GREM2: variants seen among roughly 807,000 people sequenced by gnomAD.
GREM2 encodes gremlin-2.
In GREM2, 11 loss-of-function variants were observed where a neutral mutation model predicts 14.2. The ratio of observed to expected loss-of-function variants is 0.78; its 90% CI spans 0.49 to 1.28. The LOEUF (loss-of-function observed/expected upper bound fraction) is 1.28. Ranked by LOEUF, GREM2 falls within the 50% of genes most tolerant of loss-of-function variation. The pLI is 0.00. For synonymous variants in GREM2, 98 were observed against 97.6 expected, an observed-to-expected ratio of 1.00 and a Z score of -0.02; for missense variants, 210 against 218.5, an observed-to-expected ratio of 0.96 and a Z score of 0.24.
chr1:240,565,301 G>A (rs1572401510), intron 1 of GREM2, among the ~76,000 whole-genome samples: 2 of 152,142 alleles, frequency 1.3e-5, no homozygotes, highest in South Asian at 4.1e-4. Flanking sequence ...TTATGAAATG[G>A]TAACATCAAA....
At position 240,547,532 on chromosome 1, in the gene GREM2, T is replaced by TATATATATAGACAGATAG. The variant is rs1187770486; in HGVS notation, c.-1-54057_-1-54056insCTATCTGTCTATATATAT. 2.2e-3 allele frequency among the ~76,000 whole-genome samples: 265 copies of TATATATATAGACAGATAG among 121,768 alleles called. 3 individuals carry two copies. The highest frequency in any genetic ancestry group is 9.4e-3 in the African/African-American group (254 of 26,988). 79.9% of individuals were successfully genotyped at this position (121,768 alleles called of 152,430 possible). A position where few individuals can be genotyped will look rare whatever the true frequency, so the allele number is the denominator to read the frequency against. ...AAAAAAAAATATATATATATATATATATAGATAGATAGATAGATAGATAGA... is the reference window on the plus strand; with the variant it reads ...AAAAAAAAATATATATATATATATATATATATATAGACAGATAGATAGATAGATAGATAGATAGATAGA... On this transcript the variant is annotated intron_variant, in intron 1 of 1. Transcript: ENST00000318160.
intron 1 of GREM2, among the ~76,000 whole-genome samples, chr1:240,565,575 G>A (rs894949641): frequency 2.6e-5 from 4 of 152,012 alleles, no homozygotes; most frequent in South Asian, 2.1e-4. Context: ...CAACCAGCCC[G>A]GTGGCTCATG....
Position 240,493,267 on chromosome 1 carries a change from C to T in GREM2, c.209G>A (p.Ser70Asn). Residue 70 changes from serine to asparagine, a missense_variant, in exon 2 of 2, where the codon AGT becomes AAT. By Grantham distance (46) the Ser-to-Asn change is conservative. Transcript: ENST00000318160. ...LVVTERKYLK[S>N]DWCKTQPLRQ... ...CAGCGGCTGCGTCTTGCACCAGTCACTCTTGAGGTACTTGCGCTCGGTGAC... is the reference window on the plus strand; with the variant it reads ...CAGCGGCTGCGTCTTGCACCAGTCATTCTTGAGGTACTTGCGCTCGGTGAC... The T allele has an allele frequency of 6.2e-7, 1 of 1,614,074 alleles. No individual in the cohort carries two copies. Among genetic ancestry groups the T allele is most frequent in the East Asian group, 2.2e-5 (1 of 44,832 alleles).
intron 1 of GREM2, among the ~76,000 whole-genome samples, chr1:240,564,248 G>C (rs183923031): frequency 2.5e-4 from 38 of 152,018 alleles, no homozygotes; most frequent in African/African-American, 9.2e-4. Context: ...GCTCACGCCT[G>C]TAATCCCAGC....
At chr1:240,577,028 C>G (rs1365704007) in intron 1 of GREM2, among the ~76,000 whole-genome samples, 1 of 152,172 alleles carries the variant, frequency 6.6e-6, no homozygotes, top group East Asian at 1.9e-4. Flanking sequence ...CAATGAGATT[C>G]ATACTGGTAA....
At chr1:240,610,214 A>G (rs1342348589) in intron 1 of GREM2, among the ~76,000 whole-genome samples, 1 of 152,212 alleles carries the variant, frequency 6.6e-6, no homozygotes, top group Non-Finnish European at 1.5e-5. Context: ...ACAACTCTTT[A>G]CCAATAGAAT....
intron 1 of GREM2, chr1:240,588,422 G>C (rs1368519568): frequency 6.6e-6 from 1 of 152,274 alleles, no homozygotes; most frequent in Non-Finnish European, 1.5e-5. Context: ...GCAGAGCTTC[G>C]GAGGTTGTGG....
intron 1 of GREM2, among the ~76,000 whole-genome samples, chr1:240,606,646 G>A (rs532387978): frequency 1.8e-4 from 27 of 151,902 alleles, no homozygotes; most frequent in Non-Finnish European, 4.0e-4. Context: ...CATACTAGAG[G>A]AAGTGTGGAA....
At chr1:240,503,261 A>G (rs1161172317) in intron 1 of GREM2, among the ~76,000 whole-genome samples, 1 of 152,176 alleles carries the variant, frequency 6.6e-6, no homozygotes, top group Non-Finnish European at 1.5e-5. Flanking sequence ...ATCCCAGTTT[A>G]TCTTCCCGTA....
At chr1:240,609,255 C>T (rs1680087527) in intron 1 of GREM2, among the ~76,000 whole-genome samples, 1 of 152,020 alleles carries the variant, frequency 6.6e-6, no homozygotes. Flanking sequence ...TTCTACAAAT[C>T]AGTGCGCCAA....
intron 1 of GREM2, among the ~76,000 whole-genome samples, chr1:240,531,343 T>C (rs1678353684): frequency 1.3e-5 from 2 of 152,226 alleles, no homozygotes; most frequent in Non-Finnish European, 2.9e-5. Context: ...TTTAAATTTT[T>C]CTGGAAGATT....
At position 240,509,748 on chromosome 1, in the gene GREM2, A is replaced by G. The variant is rs1677762974; in HGVS notation, c.-1-16272T>C. ...TTCGAATCTCTTTCAGGCAACACACATTGAATGGGAACTTAAGAAGCGGAA... is the reference window on the plus strand; with the variant it reads ...TTCGAATCTCTTTCAGGCAACACACGTTGAATGGGAACTTAAGAAGCGGAA... On this transcript the variant is annotated intron_variant, in intron 1 of 1. Coordinates refer to ENST00000318160, the MANE Select transcript of GREM2 (RefSeq NM_022469.4). Among the ~76,000 whole-genome samples, 3 of 152,250 alleles carry G rather than the reference A, an allele frequency of 2.0e-5. No individual in the cohort carries two copies. In the South Asian group the frequency reaches 6.2e-4, roughly 32 times the overall value.
intron 1 of GREM2, among the ~76,000 whole-genome samples, chr1:240,578,346 G>A (rs1247690226): frequency 2.0e-5 from 3 of 151,858 alleles, no homozygotes; most frequent in East Asian, 1.9e-4. Flanking sequence ...GGCTGGTCTT[G>A]AACTCCTGAC....
intron 1 of GREM2, among the ~76,000 whole-genome samples, chr1:240,594,160 C>T (rs1679768731): frequency 6.6e-6 from 1 of 152,032 alleles, no homozygotes; most frequent in South Asian, 2.1e-4. Flanking sequence ...TGCCAAGTTT[C>T]CCAGGCTGGT....
chr1:240,610,713 G>T (rs1222077529), intron 1 of GREM2, among the ~76,000 whole-genome samples: 2 of 152,196 alleles, frequency 1.3e-5, no homozygotes, highest in Non-Finnish European at 2.9e-5. Context: ...ACTCCACTGG[G>T]AAGAGTGCTG....
At position 240,497,667 on chromosome 1, in the gene GREM2, A is replaced by G. The variant is rs578240397; in HGVS notation, c.-1-4191T>C. Reference sequence around the variant, plus strand: ...AAAAAAAAAGTTTTTTTTTTTTTGCAAAAACATTTTGTCCAGCACAATTAT... The same window carrying G: ...AAAAAAAAAGTTTTTTTTTTTTTGCGAAAACATTTTGTCCAGCACAATTAT... On this transcript the variant is annotated intron_variant, in intron 1 of 1. Coordinates refer to ENST00000318160, the MANE Select transcript of GREM2 (RefSeq NM_022469.4). Among the ~76,000 whole-genome samples the G allele has an allele frequency of 4.7e-5, 7 of 147,736 alleles. No individual in the cohort carries two copies. In the South Asian group the frequency reaches 1.3e-3, roughly 27 times the overall value.
At chr1:240,547,294 A>G (rs1678749085) in intron 1 of GREM2, among the ~76,000 whole-genome samples, 1 of 151,868 alleles carries the variant, frequency 6.6e-6, no homozygotes, top group Admixed American at 6.6e-5. Flanking sequence ...AGGGCAGGAG[A>G]TCAAGACCAT....
intron 1 of GREM2, among the ~76,000 whole-genome samples, chr1:240,546,758 A>C (rs1437057070): frequency 2.0e-5 from 3 of 152,232 alleles, no homozygotes; most frequent in Admixed American, 6.5e-5. Flanking sequence ...TGAAATTTTT[A>C]TCTCATTGAA....
At chr1:240,607,031 A>T (rs1301615388) in intron 1 of GREM2, among the ~76,000 whole-genome samples, 1 of 152,166 alleles carries the variant, frequency 6.6e-6, no homozygotes, top group Non-Finnish European at 1.5e-5. Flanking sequence ...GAAAGCTCTA[A>T]GTCTTAGTAA....
Sources: gnomAD v4.1 joint callset for allele counts (sites outside exome capture counted in the v4.1 genomes callset) on GRCh38, gnomAD v4.1.1 for gene constraint, MANE v1.5 for transcripts, NCBI Gene and HGNC (gene_info 2026-07-23, HGNC 2026-07-21) for gene names.